ZFAND3: variants seen among roughly 807,000 people sequenced by gnomAD.
ZFAND3 encodes the protein AN1-type zinc finger protein 3.
ZFAND3 carries 10 observed loss-of-function variants against 29.6 expected under a neutral mutation model. That is an observed-to-expected ratio of 0.34 (90% CI 0.21 to 0.57). The LOEUF (loss-of-function observed/expected upper bound fraction) is 0.57, where lower values mean the gene tolerates loss of function less well. Ranked by LOEUF, ZFAND3 falls within the 20% of genes least tolerant of loss-of-function variation. ZFAND3 has a pLI of 0.86. For synonymous variants in ZFAND3, 128 were observed against 112.6 expected, an observed-to-expected ratio of 1.14 and a Z score of -0.87; for missense variants, 230 against 304.5, an observed-to-expected ratio of 0.76 and a Z score of 1.82.
At chr6:38,081,511 C>T (rs1466431882) in intron 3 of ZFAND3, among the ~76,000 whole-genome samples, 1 of 152,080 alleles carries the variant, frequency 6.6e-6, no homozygotes, top group East Asian at 1.9e-4. Context: ...CACAACTCTG[C>T]CAAGTAACCA....
At chr6:38,005,682 A>C (rs1168948516) in intron 2 of ZFAND3, among the ~76,000 whole-genome samples, 1 of 152,232 alleles carries the variant, frequency 6.6e-6, no homozygotes, top group Non-Finnish European at 1.5e-5. Context: ...CAGTTGTTAC[A>C]TTCTGCATGG....
intron 2 of ZFAND3, among the ~76,000 whole-genome samples, chr6:37,954,586 A>G (rs1762053852): frequency 6.8e-6 from 1 of 147,346 alleles, no homozygotes. Context: ...GTATGTTTTA[A>G]TGTTTGTATC....
intron 1 of ZFAND3, among the ~76,000 whole-genome samples, chr6:37,868,565 T>A (rs76151150): frequency 0.067 from 10,181 of 152,180 alleles, 403 homozygotes; most frequent in Non-Finnish European, 0.085. Context: ...AAGGTTTCTG[T>A]CTTGTATGTG....
At chr6:38,050,264 A>G (rs558625291) in intron 2 of ZFAND3, among the ~76,000 whole-genome samples, 7 of 151,874 alleles carry the variant, frequency 4.6e-5, no homozygotes, top group Admixed American at 3.9e-4. Context: ...CAAGAAGGCA[A>G]TTCATTCTTT....
At chr6:37,943,375 T>C (rs1276029173) in intron 2 of ZFAND3, among the ~76,000 whole-genome samples, 1 of 152,196 alleles carries the variant, frequency 6.6e-6, no homozygotes, top group African/African-American at 2.4e-5. Context: ...TGTTTTAACC[T>C]GTAGCTAAAC....
At chr6:38,041,626 T>C (rs747797334) in intron 2 of ZFAND3, among the ~76,000 whole-genome samples, 13 of 75,678 alleles carry the variant, frequency 1.7e-4, no homozygotes, top group Non-Finnish European at 3.5e-4. Flanking sequence ...TTTTTTTATC[T>C]ACTTTTTCTT....
chr6:37,939,253 G>C (rs1161600485), intron 2 of ZFAND3, among the ~76,000 whole-genome samples: 2 of 152,162 alleles, frequency 1.3e-5, no homozygotes, highest in Non-Finnish European at 2.9e-5. Flanking sequence ...TAGAACCTTT[G>C]AGGGAGAATT....
intron 1 of ZFAND3, among the ~76,000 whole-genome samples, chr6:37,837,513 T>G (rs1763990649): frequency 6.6e-6 from 1 of 151,864 alleles, no homozygotes. Flanking sequence ...GTCCTTTTTT[T>G]TTTTTTTTGA....
At chr6:38,071,521 G>T (rs377712654) in intron 3 of ZFAND3, among the ~76,000 whole-genome samples, 1 of 151,738 alleles carries the variant, frequency 6.6e-6, no homozygotes, top group Non-Finnish European at 1.5e-5. Context: ...CTGTTCCTAG[G>T]CTCTTTATTT....
At chr6:38,088,662 G>A (rs1351061527) in intron 4 of ZFAND3, among the ~76,000 whole-genome samples, 1 of 152,150 alleles carries the variant, frequency 6.6e-6, no homozygotes, top group Non-Finnish European at 1.5e-5. Flanking sequence ...ATTGTCAACA[G>A]ACTTTTGCTC....
intron 1 of ZFAND3, among the ~76,000 whole-genome samples, chr6:37,909,620 CTTTTTTTTT>C (rs34105026): frequency 8.1e-6 from 1 of 122,992 alleles, no homozygotes; most frequent in Admixed American, 8.2e-5. Context: ...GTTCAGAATT[CTTTTTTTTT>C]TTTTTTTTTT....
chr6:38,111,648 T>A (rs1188604988), intron 4 of ZFAND3, among the ~76,000 whole-genome samples: 2 of 151,816 alleles, frequency 1.3e-5, no homozygotes, highest in Non-Finnish European at 2.9e-5. Context: ...GTTTTCTTAA[T>A]TTTTTTTTCC....
intron 2 of ZFAND3, among the ~76,000 whole-genome samples, chr6:37,935,791 G>C (rs1235053007): frequency 3.3e-5 from 5 of 152,168 alleles, no homozygotes; most frequent in Non-Finnish European, 7.4e-5. Flanking sequence ...TATTTCATTT[G>C]TGTCTTCAGG....
At chr6:37,857,554 C>G (rs1764407624) in intron 1 of ZFAND3, among the ~76,000 whole-genome samples, 1 of 152,070 alleles carries the variant, frequency 6.6e-6, no homozygotes, top group African/African-American at 2.4e-5. Flanking sequence ...CTCAAAAATT[C>G]ATTGAAATGA....
chr6:38,113,837 C>T (rs1364190202), intron 4 of ZFAND3, among the ~76,000 whole-genome samples: 3 of 152,146 alleles, frequency 2.0e-5, no homozygotes, highest in Admixed American at 2.0e-4. Context: ...AAATTGTCTT[C>T]TCCTTGCAGG....
chr6:38,150,931 A>G (rs1418487822), intron 5 of ZFAND3, among the ~76,000 whole-genome samples: 1 of 152,182 alleles, frequency 6.6e-6, no homozygotes, highest in Non-Finnish European at 1.5e-5. Flanking sequence ...ATCCAGGCCC[A>G]CGGGGCCTGG....
At chr6:37,859,898 T>G (rs1764450913) in intron 1 of ZFAND3, among the ~76,000 whole-genome samples, 1 of 139,988 alleles carries the variant, frequency 7.1e-6, no homozygotes, top group Non-Finnish European at 1.5e-5. Context: ...TGAGATAGAC[T>G]CTTGCTCTTG....
chr6:37,960,250 A>T (rs915999247), intron 2 of ZFAND3, among the ~76,000 whole-genome samples: 1 of 152,136 alleles, frequency 6.6e-6, no homozygotes, highest in African/African-American at 2.4e-5. Context: ...CAGCCAACTC[A>T]CTCATGCCTG....
intron 1 of ZFAND3, among the ~76,000 whole-genome samples, chr6:37,921,823 A>G (rs749622920): frequency 6.7e-6 from 1 of 149,068 alleles, no homozygotes; most frequent in Admixed American, 6.7e-5. Flanking sequence ...AGGCAGGTAG[A>G]TTGCTTGAGC....
Sources: allele counts gnomAD v4.1 joint callset (sites outside exome capture counted in the v4.1 genomes callset), GRCh38; gene constraint gnomAD v4.1.1; transcripts MANE v1.5; gene names NCBI Gene and HGNC (gene_info 2026-07-23, HGNC 2026-07-21).